XPR1: variants seen among roughly 807,000 people sequenced by gnomAD.
The protein encoded by XPR1 is solute carrier family 53 member 1.
Under a neutral mutation model 87.5 loss-of-function variants are expected in XPR1, and 28 were observed. The observed-to-expected ratio is 0.32, with a 90% CI of 0.24 to 0.44. The LOEUF is 0.44. Among genes scored for constraint, XPR1 ranks in the 20% least tolerant of loss-of-function variants. The pLI, the probability that XPR1 is intolerant of heterozygous loss-of-function variation, is 1.00. For missense variants in XPR1, 559 were observed against 862.3 expected, an observed-to-expected ratio of 0.65 and a Z score of 4.41; for synonymous variants, 300 against 306.1, an observed-to-expected ratio of 0.98 and a Z score of 0.21.
chr1:180,728,311 G>GGAA (rs1557977372), intron 2 of XPR1, among the ~76,000 whole-genome samples: 36 of 140,464 alleles, frequency 2.6e-4, no homozygotes, highest in African/African-American at 9.5e-4. Flanking sequence ...GGGGGGGGTA[G>GGAA]TAATGAAAAC....
intron 2 of XPR1, among the ~76,000 whole-genome samples, chr1:180,728,852 T>G (rs188508625): frequency 1.4e-5 from 2 of 147,050 alleles, no homozygotes; most frequent in East Asian, 1.9e-4. Flanking sequence ...AATTTTCAGG[T>G]TTTTTTTGTG....
rs1386944978 is a variant in XPR1, at chr1:180,853,797, T to TTTTG, written c.1502-9908_1502-9907insGTTT. 1.5e-3 allele frequency among the ~76,000 whole-genome samples: 228 copies of TTTTG among 150,464 alleles called. 1 individual carries two copies. The highest frequency in any genetic ancestry group is 5.3e-3 in the African/African-American group (216 of 40,798). On this transcript the variant is annotated intron_variant, in intron 11 of 14. Coordinates refer to ENST00000367590, the MANE Select transcript of XPR1 (RefSeq NM_004736.4). ...ATAATAGTGCATTCATGTGGTTTTT[T>TTTTG]TTTTTTTTTTTTTGTATTTTGTTGT...
chr1:180,749,599 A>G (rs1301322404), intron 2 of XPR1, among the ~76,000 whole-genome samples: 1 of 150,988 alleles, frequency 6.6e-6, no homozygotes, highest in African/African-American at 2.4e-5. Flanking sequence ...TGTGCTGTAC[A>G]TCCTGTATAT....
intron 2 of XPR1, among the ~76,000 whole-genome samples, chr1:180,691,256 C>G (rs1346037731): frequency 1.3e-5 from 2 of 151,920 alleles, no homozygotes; most frequent in South Asian, 4.2e-4. Context: ...GTTTAGTATG[C>G]CTCCTTTCAA....
chr1:180,738,727 C>T (rs886090762), intron 2 of XPR1, among the ~76,000 whole-genome samples: 1 of 152,028 alleles, frequency 6.6e-6, no homozygotes, highest in African/African-American at 2.4e-5. Flanking sequence ...TTAAATTTGG[C>T]TTTTCTGTGT....
At chr1:180,658,048 A>G (rs373605413) in intron 1 of XPR1, among the ~76,000 whole-genome samples, 5 of 152,224 alleles carry the variant, frequency 3.3e-5, no homozygotes, top group East Asian at 3.9e-4. Context: ...ATTTGTAGCT[A>G]TTGTAAATGG....
chr1:180,768,036 C>T lies in XPR1; in HGVS notation c.122-19717C>T, dbSNP rs547340572. 1.8e-3 allele frequency among the ~76,000 whole-genome samples: 273 copies of T among 152,016 alleles called. 2 individuals are homozygous for T. Among genetic ancestry groups the T allele is most frequent in the African/African-American group, 5.5e-3 (228 of 41,482 alleles). ...ATTTTTTGTATTTTTAGTAAAGACA[C>T]GGTTTCACTGTGTTAGCCAGGATGG... is the stretch of plus-strand genomic sequence containing the variant. On this transcript the variant is annotated intron_variant, in intron 2 of 14. Coordinates refer to ENST00000367590, the MANE Select transcript of XPR1 (RefSeq NM_004736.4).
In XPR1 at chr1:180,825,366, C is replaced by T. The variant is rs376753388; in HGVS notation, c.1134+22C>T. 5 of 1,600,176 alleles carry T rather than the reference C, an allele frequency of 3.1e-6. No individual in the cohort carries two copies. The African/African-American group carries it at 6.7e-5, about 21-fold the overall frequency. ...GCTGGTAAGTCCAGAAACTTGTGTACCACTTTTAGAGTGGCATATTGGTTA... is the reference window on the plus strand; with the variant it reads ...GCTGGTAAGTCCAGAAACTTGTGTATCACTTTTAGAGTGGCATATTGGTTA... On this transcript the variant is annotated intron_variant, in intron 9 of 14. Coordinates refer to ENST00000367590, the MANE Select transcript of XPR1 (RefSeq NM_004736.4).
rs1652537529 is a variant in XPR1 at position 180,872,629 on chromosome 1, A to G, written c.1669-1174A>G. Reference sequence around the variant, plus strand: ...TTTGACTCGGAAAGGGAACTCCCTGACCCCTTGCGCTTCCCAGGTGAGGCA... The same window carrying G: ...TTTGACTCGGAAAGGGAACTCCCTGGCCCCTTGCGCTTCCCAGGTGAGGCA... On this transcript the variant is annotated intron_variant, in intron 12 of 14. Transcript: ENST00000367590. Among the ~76,000 whole-genome samples, 3 of 128,548 alleles carry G rather than the reference A, an allele frequency of 2.3e-5. No individual in the cohort carries two copies. The South Asian group carries it at 8.5e-4, about 36-fold the overall frequency. 84.3% of individuals were successfully genotyped at this position (128,548 alleles called of 152,430 possible).
At chr1:180,788,059 G>C (rs1649222514) in intron 3 of XPR1, among the ~76,000 whole-genome samples, 1 of 152,140 alleles carries the variant, frequency 6.6e-6, no homozygotes, top group Non-Finnish European at 1.5e-5. Flanking sequence ...AGAAACTCTT[G>C]CAGTCAAAAG....
chr1:180,696,630 T>A (rs1657185179), intron 2 of XPR1, among the ~76,000 whole-genome samples: 1 of 152,152 alleles, frequency 6.6e-6, no homozygotes, highest in Non-Finnish European at 1.5e-5. Flanking sequence ...GGGTTTGTCA[T>A]ATATGGCCTT....
At position 180,632,050 on chromosome 1, in the gene XPR1, G is replaced by T. The variant is rs1031437202; in HGVS notation, c.-152G>T. ...GAGAGGAGGAGGAAGATGGCGGGCG[G>T]GCTGCTCTGAAGAGACCTCGGCGGC... On this transcript the variant is annotated 5_prime_UTR_variant, in exon 1 of 15. Coordinates refer to ENST00000367590, the MANE Select transcript of XPR1 (RefSeq NM_004736.4). 2.5e-5 allele frequency: 21 copies of T among 825,952 alleles called. No individual in the cohort carries two copies. Among genetic ancestry groups the T allele is most frequent in the Non-Finnish European group, 4.0e-5 (20 of 496,720 alleles). The allele number at this position is 825,952 out of a possible 1,614,324, so 51.2% of individuals were successfully genotyped here.
At chr1:180,767,869 G>A (rs1419049946) in intron 2 of XPR1, among the ~76,000 whole-genome samples, 1 of 151,436 alleles carries the variant, frequency 6.6e-6, no homozygotes. Context: ...TTTTGAGACG[G>A]AGTCTTGCTC....
chr1:180,686,050 G>T (rs923691255), intron 2 of XPR1, among the ~76,000 whole-genome samples: 1 of 151,934 alleles, frequency 6.6e-6, no homozygotes, highest in African/African-American at 2.4e-5. Flanking sequence ...GTTTGCTCTT[G>T]CTTTTCTAGT....
chr1:180,758,362 G>A (rs1162470219), intron 2 of XPR1, among the ~76,000 whole-genome samples: 1 of 152,002 alleles, frequency 6.6e-6, no homozygotes, highest in East Asian at 1.9e-4. Flanking sequence ...GGGATATGAA[G>A]GGAAAATAAA....
intron 1 of XPR1, among the ~76,000 whole-genome samples, chr1:180,651,454 G>A (rs952638926): frequency 6.6e-6 from 1 of 152,122 alleles, no homozygotes; most frequent in Admixed American, 6.6e-5. Context: ...GATACTAAGA[G>A]GCACATTCCC....
intron 3 of XPR1, among the ~76,000 whole-genome samples, chr1:180,794,804 G>A (rs2102103278): frequency 6.6e-6 from 1 of 152,254 alleles, no homozygotes; most frequent in Non-Finnish European, 1.5e-5. Flanking sequence ...ACATATTTGG[G>A]GATGAAGACA....
chr1:180,833,154 C>G lies in XPR1; in HGVS notation c.1135-1720C>G, dbSNP rs547309151. Among the ~76,000 whole-genome samples the G allele has an allele frequency of 1.1e-4, 16 of 152,248 alleles. No individual in the cohort carries two copies. In the East Asian group the frequency reaches 3.1e-3, roughly 29 times the overall value. On this transcript the variant is annotated intron_variant, in intron 9 of 14. Transcript: ENST00000367590. ...ATGGGAGTTCACTCATGATTTGGCT[C>G]TCTGTTTGTCTGTTATTGGAAGCAC...
At chr1:180,696,165 GGTGT>G (rs59249501) in intron 2 of XPR1, among the ~76,000 whole-genome samples, 1,411 of 102,822 alleles carry the variant, frequency 0.014, 23 homozygotes, top group Middle Eastern at 0.026. Context: ...TTTATTCCTG[GGTGT>G]GTGTGTGTGT....
Sources: allele counts gnomAD v4.1 joint callset (sites outside exome capture counted in the v4.1 genomes callset), GRCh38; gene constraint gnomAD v4.1.1; transcripts MANE v1.5; gene names NCBI Gene and HGNC (gene_info 2026-07-23, HGNC 2026-07-21).